Variants in ZBTB20 observed in about 807,000 individuals in gnomAD.
ZBTB20 encodes zinc finger and BTB domain containing 20.
Under a neutral mutation model 56.9 loss-of-function variants are expected in ZBTB20, and 9 were observed. The ratio of observed to expected loss-of-function variants is 0.16; its 90% CI spans 0.10 to 0.28. ZBTB20 has a LOEUF of 0.28. Ranked by LOEUF, ZBTB20 falls within the 10% of genes least tolerant of loss-of-function variation. ZBTB20 has a pLI of 1.00. For synonymous variants in ZBTB20, 417 were observed against 420.7 expected (o/e 0.99, Z 0.11); for missense variants, 655 against 1,003.0 (o/e 0.65, Z 4.69).
rs150069205 is a variant in ZBTB20 at position 114,936,536 on chromosome 3, G to A, written c.-455-36194C>T. 7.8e-3 allele frequency among the ~76,000 whole-genome samples: 1,183 copies of A among 152,168 alleles called. 18 individuals are homozygous for A. The highest frequency in any genetic ancestry group is 0.027 in the African/African-American group (1,113 of 41,500). ...TACACGGTCAAAAATGCCACAAAAA[G>A]AAGTATTATAATTATAACTATTAAT... On this transcript the variant is annotated intron_variant, in intron 3 of 11. Coordinates refer to ENST00000675478, the MANE Select transcript of ZBTB20 (RefSeq NM_001348800.3).
intron 3 of ZBTB20, among the ~76,000 whole-genome samples, chr3:114,908,839 C>A (rs1040775040): frequency 2.6e-5 from 4 of 151,520 alleles, no homozygotes; most frequent in Non-Finnish European, 5.9e-5. Context: ...TTAAATGGAG[C>A]TAAAGGGAGG....
chr3:115,089,347 T>A (rs2083103033), intron 1 of ZBTB20, among the ~76,000 whole-genome samples: 1 of 151,840 alleles, frequency 6.6e-6, no homozygotes, highest in Non-Finnish European at 1.5e-5. Flanking sequence ...AAAGGCATGG[T>A]GGTTAAGAGA....
At chr3:115,132,730 A>G (rs2084541903) in intron 1 of ZBTB20, among the ~76,000 whole-genome samples, 1 of 152,116 alleles carries the variant, frequency 6.6e-6, no homozygotes, top group East Asian at 1.9e-4. Flanking sequence ...ATGCCACTGC[A>G]CTCCAGCCTG....
At chr3:114,674,650 C>T (rs1461009064) in intron 6 of ZBTB20, among the ~76,000 whole-genome samples, 1 of 151,908 alleles carries the variant, frequency 6.6e-6, no homozygotes, top group African/African-American at 2.4e-5. Flanking sequence ...TAAGCTTTAA[C>T]CTGTCTATGT....
chr3:114,828,392 C>T (rs1057224703), intron 4 of ZBTB20, among the ~76,000 whole-genome samples: 2 of 151,688 alleles, frequency 1.3e-5, no homozygotes, highest in East Asian at 1.9e-4. Flanking sequence ...CTGGAATTCA[C>T]GTTTAATGAC....
intron 8 of ZBTB20, among the ~76,000 whole-genome samples, chr3:114,382,075 T>A (rs1415355615): frequency 1.3e-5 from 2 of 152,234 alleles, no homozygotes; most frequent in African/African-American, 4.8e-5. Context: ...ATGCTTTCTC[T>A]AAGGTCCATA....
chr3:114,960,055 A>G (rs1337281800), intron 3 of ZBTB20, among the ~76,000 whole-genome samples: 2 of 152,226 alleles, frequency 1.3e-5, no homozygotes, highest in Admixed American at 1.3e-4. Context: ...AAACAGGAAG[A>G]TACACGAAAA....
intron 3 of ZBTB20, among the ~76,000 whole-genome samples, chr3:114,959,748 CACACTT>C (rs1362246317): frequency 2.3e-4 from 34 of 148,332 alleles, no homozygotes; most frequent in South Asian, 8.5e-4. Flanking sequence ...CACACACACA[CACACTT>C]GGAGACTCTC....
At chr3:114,623,050 C>T (rs759484813) in intron 6 of ZBTB20, among the ~76,000 whole-genome samples, 4 of 152,000 alleles carry the variant, frequency 2.6e-5, no homozygotes, top group South Asian at 4.1e-4. Flanking sequence ...GTTTTTGTTT[C>T]GTCTTTTGTT....
At chr3:114,585,902 C>T (rs1486905328) in intron 6 of ZBTB20, among the ~76,000 whole-genome samples, 2 of 152,206 alleles carry the variant, frequency 1.3e-5, no homozygotes, top group Admixed American at 6.5e-5. Flanking sequence ...CAGGAAGATG[C>T]TGCAGATGCT....
intron 5 of ZBTB20, among the ~76,000 whole-genome samples, chr3:114,746,453 T>C (rs775534560): frequency 1.9e-4 from 29 of 152,156 alleles, no homozygotes; most frequent in Non-Finnish European, 3.5e-4. Flanking sequence ...CTGATTTTTT[T>C]CCCAACACCT....
rs555181757 is a variant in ZBTB20 at position 114,432,031 on chromosome 3, T to G, written c.-254-42926A>C. Among the ~76,000 whole-genome samples the G allele has an allele frequency of 8.5e-5, 13 of 152,266 alleles. No individual in the cohort carries two copies. In the South Asian group the frequency reaches 2.5e-3, roughly 29 times the overall value. On this transcript the variant is annotated intron_variant, in intron 7 of 11. Transcript: ENST00000675478. ...GAATAACGGATGTGCAGTTGTCTCT[T>G]TCTTATACAGACAGCAGAGAGAGGG... is the stretch of plus-strand genomic sequence containing the variant.
At chr3:114,411,735 G>C (rs893594503) in intron 7 of ZBTB20, among the ~76,000 whole-genome samples, 3 of 151,880 alleles carry the variant, frequency 2.0e-5, no homozygotes, top group Admixed American at 6.6e-5. Context: ...GGGAGGGAAG[G>C]GTACAGAAAG....
In ZBTB20 at chr3:114,621,136, T is replaced by C. The variant is rs550119405; in HGVS notation, c.-295+72392A>G. Among the ~76,000 whole-genome samples, 69 of 152,334 alleles carry C rather than the reference T, an allele frequency of 4.5e-4. No homozygotes were observed. The South Asian group carries it at 8.1e-3, about 18-fold the overall frequency. On this transcript the variant is annotated intron_variant, in intron 6 of 11. Coordinates refer to ENST00000675478, the MANE Select transcript of ZBTB20 (RefSeq NM_001348800.3). ...ACTTAATTTTAAACTTTTATATATA[T>C]AGCAATTAATATTTTGAAGCTGTAC...
intron 1 of ZBTB20, among the ~76,000 whole-genome samples, chr3:115,080,749 TC>T (rs2082767403): frequency 6.6e-6 from 1 of 152,170 alleles, no homozygotes; most frequent in South Asian, 2.1e-4. Flanking sequence ...CCTTATAATT[TC>T]AATAGAAATG....
At chr3:115,082,141 T>A (rs569914669) in intron 1 of ZBTB20, among the ~76,000 whole-genome samples, 6 of 152,206 alleles carry the variant, frequency 3.9e-5, no homozygotes, top group Non-Finnish European at 8.8e-5. Flanking sequence ...ACCCATTTAT[T>A]TGGTTAATCA....
chr3:115,075,749 TA>T (rs1205845569), intron 1 of ZBTB20, among the ~76,000 whole-genome samples: 1 of 152,152 alleles, frequency 6.6e-6, no homozygotes, highest in African/African-American at 2.4e-5. Context: ...TCGGCACTTC[TA>T]TTCTACATAG....
At chr3:114,345,281 C>G (rs911083982) in intron 11 of ZBTB20, among the ~76,000 whole-genome samples, 4 of 151,888 alleles carry the variant, frequency 2.6e-5, no homozygotes, top group African/African-American at 9.7e-5. Flanking sequence ...ATGTATGTCT[C>G]TGTGTGTGTG....
At chr3:114,702,665 T>TTG (rs137914062) in intron 5 of ZBTB20, among the ~76,000 whole-genome samples, 12,197 of 146,640 alleles carry the variant, frequency 0.083, 580 homozygotes, top group Middle Eastern at 0.15. Context: ...TTAGTCTAAA[T>TTG]TGTGTGTGTG....
Sources: allele counts gnomAD v4.1 joint callset (sites outside exome capture counted in the v4.1 genomes callset), GRCh38; gene constraint gnomAD v4.1.1; transcripts MANE v1.5; gene names NCBI Gene and HGNC (gene_info 2026-07-23, HGNC 2026-07-21).